The following STX2 variants were observed in gnomAD, a reference collection of about 807,000 sequenced individuals.
STX2 encodes the protein syntaxin 2.
STX2 carries 27 observed loss-of-function variants against 40.6 expected under a neutral mutation model. That is an observed-to-expected ratio of 0.66 (90% CI 0.49 to 0.92). STX2 has a LOEUF of 0.92. STX2 is among the 40% of genes least tolerant of loss of function. The probability of loss-of-function intolerance (pLI) is 0.00; values close to 1 mark genes in which losing one functional copy is unlikely to be tolerated. For synonymous variants in STX2, 123 were observed against 119.1 expected (o/e 1.03, Z -0.22); for missense variants, 328 against 366.1 (o/e 0.90, Z 0.85).
At chr12:130,830,948 C>A (rs774915134) in intron 1 of STX2, among the ~76,000 whole-genome samples, 14 of 152,218 alleles carry the variant, frequency 9.2e-5, no homozygotes, top group Non-Finnish European at 1.8e-4. Flanking sequence ...ATTTAAATAT[C>A]AACATTCCAT....
At chr12:130,820,044 G>C (rs1436348164) in intron 3 of STX2, among the ~76,000 whole-genome samples, 1 of 152,050 alleles carries the variant, frequency 6.6e-6, no homozygotes, top group Non-Finnish European at 1.5e-5. Flanking sequence ...TTTTTTCAAC[G>C]TACGGCTACA....
chr12:130,826,698 T>G (rs1952324312), intron 2 of STX2, among the ~76,000 whole-genome samples: 1 of 152,104 alleles, frequency 6.6e-6, no homozygotes, highest in Non-Finnish European at 1.5e-5. Context: ...CATATTGATA[T>G]AAATCTTTAA....
chr12:130,822,909 AG>A (rs1203240617), intron 2 of STX2, among the ~76,000 whole-genome samples: 1 of 152,248 alleles, frequency 6.6e-6, no homozygotes, highest in East Asian at 1.9e-4. Flanking sequence ...AAGTGTTCTT[AG>A]AAGACAGCAG....
chr12:130,829,852 G>C (rs1202871077), intron 1 of STX2, among the ~76,000 whole-genome samples: 1 of 152,142 alleles, frequency 6.6e-6, no homozygotes, highest in South Asian at 2.1e-4. Flanking sequence ...AGGAGGGGTG[G>C]AGAGCTGAAA....
In STX2 at chr12:130,829,019, T is replaced by C. The variant is rs57373198; in HGVS notation, c.31-1752A>G. On this transcript the variant is annotated intron_variant, in intron 1 of 10. Coordinates refer to ENST00000392373, the MANE Select transcript of STX2 (RefSeq NM_194356.4). ...ACCAAAACAGAATGGCTGAAGGATA[T>C]TGAGTGTCGGTTCCCAGGGTCTGCA... Among the ~76,000 whole-genome samples, 671 of 152,174 alleles carry C rather than the reference T, an allele frequency of 4.4e-3. 10 individuals carry two copies. Among genetic ancestry groups the C allele is most frequent in the African/African-American group, 0.016 (647 of 41,512 alleles).
At chr12:130,796,206 C>T (rs773139001) in intron 9 of STX2, 86 bp from the exon 10 acceptor site, 27 of 1,560,280 alleles carry the variant, frequency 1.7e-5, no homozygotes, top group Non-Finnish European at 1.6e-5. Context: ...TAAAATAAAA[C>T]GACCTGGCCA....
chr12:130,818,186 ATATATATATATAT>A lies in STX2; in HGVS notation c.205+3490_205+3502del, dbSNP rs1221970696. Among the ~76,000 whole-genome samples, 18 of 62,284 alleles carry A rather than the reference ATATATATATATAT, an allele frequency of 2.9e-4. 1 individual carries two copies. Among genetic ancestry groups the A allele is most frequent in the African/African-American group, 5.7e-4 (5 of 8,710 alleles). 40.9% of individuals were successfully genotyped at this position (62,284 alleles called of 152,430 possible). A position where few individuals can be genotyped will look rare whatever the true frequency, so the allele number is the denominator to read the frequency against. The stretch of plus-strand genomic sequence containing the variant: ...CTGTTTCTACAAAAAAAAAAAAAAA[ATATATATATATAT>A]ATATATATATATATATATAAAATTA... On this transcript the variant is annotated intron_variant, in intron 3 of 10. Coordinates refer to ENST00000392373, the MANE Select transcript of STX2 (RefSeq NM_194356.4).
At chr12:130,836,588 T>C (rs900485331) in intron 1 of STX2, among the ~76,000 whole-genome samples, 1 of 152,192 alleles carries the variant, frequency 6.6e-6, no homozygotes, top group African/African-American at 2.4e-5. Flanking sequence ...GGCTGCTTTT[T>C]ATAACTCCCT....
intron 6 of STX2, among the ~76,000 whole-genome samples, chr12:130,802,351 C>G (rs562195926): frequency 8.5e-5 from 13 of 152,278 alleles, no homozygotes; most frequent in Non-Finnish European, 1.8e-4. Context: ...GCGTGCGTCA[C>G]CACGCCCGGC....
Position 130,807,046 on chromosome 12 carries a change from G to A in STX2, c.399C>T (p.Tyr133=), listed in dbSNP as rs756957163. 1 of 1,614,230 alleles carries A rather than the reference G, an allele frequency of 6.2e-7. No homozygotes were observed. ...CCCGAAACAGAGTCTGTGCCTCATT[G>A]TACTCCGCCATGGCTTCCACAAACT... ...SRKFVEAMAE[Y]NEAQTLFRER... The change falls in exon 6 of 11, where the codon TAC becomes TAT. Residue 133 remains tyrosine, a synonymous_variant. Coordinates refer to ENST00000392373, the MANE Select transcript of STX2 (RefSeq NM_194356.4).
intron 8 of STX2, among the ~76,000 whole-genome samples, chr12:130,799,486 G>A (rs1951143632): frequency 6.6e-6 from 1 of 152,076 alleles, no homozygotes; most frequent in Admixed American, 6.5e-5. Context: ...TGTCCAGCTG[G>A]TTTCCTTTGG....
intron 8 of STX2, among the ~76,000 whole-genome samples, chr12:130,799,009 A>T (rs1283762293): frequency 6.6e-6 from 1 of 152,254 alleles, no homozygotes. Flanking sequence ...CAGACAATAT[A>T]CAAAGAATGA....
intron 4 of STX2, among the ~76,000 whole-genome samples, chr12:130,809,574 T>C (rs1051072133): frequency 2.7e-4 from 41 of 152,288 alleles, no homozygotes; most frequent in Admixed American, 2.2e-3. Flanking sequence ...CCTAGCACTT[T>C]GGGAGGCTAA....
At chr12:130,833,196 A>G (rs1952635024) in intron 1 of STX2, among the ~76,000 whole-genome samples, 1 of 152,146 alleles carries the variant, frequency 6.6e-6, no homozygotes, top group Non-Finnish European at 1.5e-5. Context: ...AAGGGCAGAC[A>G]CAGACAAGGG....
chr12:130,825,128 C>A lies in STX2; in HGVS notation c.105+2065G>T, dbSNP rs562214972. Among the ~76,000 whole-genome samples, 60 of 152,142 alleles carry A rather than the reference C, an allele frequency of 3.9e-4. No homozygotes were observed. In the South Asian group the frequency reaches 8.1e-3, roughly 21 times the overall value. On this transcript the variant is annotated intron_variant, in intron 2 of 10. Coordinates refer to ENST00000392373, the MANE Select transcript of STX2 (RefSeq NM_194356.4). ...CTCAGCTCACTGCAACCTCCGCCTC[C>A]CAGGTTCCAGCGATTCTCCCACCAC...
intron 4 of STX2, 48 bp from the exon 5 acceptor site, chr12:130,808,752 T>C (rs1951536326): frequency 3.3e-6 from 5 of 1,502,796 alleles, no homozygotes; most frequent in African/African-American, 1.4e-5. Flanking sequence ...AAAATGAAAA[T>C]GTTCCAAGCC....
chr12:130,817,718 A>C lies in STX2; in HGVS notation c.205+3971T>G, dbSNP rs59132523. Among the ~76,000 whole-genome samples the C allele has an allele frequency of 4.7e-3, 689 of 147,500 alleles. 9 individuals carry two copies. Among genetic ancestry groups the C allele is most frequent in the African/African-American group, 0.016 (661 of 40,620 alleles). On this transcript the variant is annotated intron_variant, in intron 3 of 10. Coordinates refer to ENST00000392373, the MANE Select transcript of STX2 (RefSeq NM_194356.4). ...ATCTTAAAAGCTCTAATTAGCTGACAAAAAAAAAAAGTAAAGCCAAAAGAC... is the reference window on the plus strand; with the variant it reads ...ATCTTAAAAGCTCTAATTAGCTGACCAAAAAAAAAAGTAAAGCCAAAAGAC...
intron 1 of STX2, among the ~76,000 whole-genome samples, chr12:130,831,475 G>C (rs1952554295): frequency 6.6e-6 from 1 of 152,112 alleles, no homozygotes; most frequent in Non-Finnish European, 1.5e-5. Flanking sequence ...GACCAGCCTG[G>C]GCAACATGGT....
intron 1 of STX2, among the ~76,000 whole-genome samples, chr12:130,832,357 A>C (rs899567568): frequency 3.9e-5 from 6 of 152,126 alleles, no homozygotes; most frequent in Non-Finnish European, 8.8e-5. Flanking sequence ...CATTACCAAC[A>C]ATATAACGAA....
Sources: allele counts gnomAD v4.1 joint callset (sites outside exome capture counted in the v4.1 genomes callset), GRCh38; gene constraint gnomAD v4.1.1; transcripts MANE v1.5; gene names NCBI Gene and HGNC (gene_info 2026-07-23, HGNC 2026-07-21).